FGL1: variants seen among roughly 807,000 people sequenced by gnomAD.
The protein encoded by FGL1 is fibrinogen-like protein 1.
A neutral mutation model predicts 43.7 loss-of-function variants in FGL1; 59 were observed. That is an observed-to-expected ratio of 1.35 (90% CI 1.10 to 1.68). FGL1 has a LOEUF of 1.68. Among genes scored for constraint, FGL1 ranks in the 40% most tolerant of loss-of-function variants. The probability of loss-of-function intolerance (pLI) is 0.00; values close to 1 mark genes in which losing one functional copy is unlikely to be tolerated. For missense variants in FGL1, 596 were observed against 373.0 expected (o/e 1.60, Z -4.92); for synonymous variants, 192 against 126.5 (o/e 1.52, Z -3.48).
chr8:17,894,997 C>G (rs576962065), intron 1 of FGL1, among the ~76,000 whole-genome samples: 4 of 150,794 alleles, frequency 2.7e-5, no homozygotes, highest in African/African-American at 7.3e-5. Flanking sequence ...TTTGACAGGC[C>G]TCTGTCTCTT....
At chr8:17,882,364 G>T in intron 2 of FGL1, 185 bp from the exon 3 acceptor site, 1 of 512,818 alleles carries the variant, frequency 2.0e-6, no homozygotes, top group Non-Finnish European at 3.3e-6. Context: ...TGGAAATTAT[G>T]GCTTATGCGA....
At chr8:17,880,226 T>C (rs1195123260) in intron 3 of FGL1, among the ~76,000 whole-genome samples, 2 of 152,066 alleles carry the variant, frequency 1.3e-5, no homozygotes, top group Non-Finnish European at 2.9e-5. Flanking sequence ...ATCAAGATGC[T>C]GGCCATAAGA....
chr8:17,872,631 C>G (rs1403419131), intron 5 of FGL1, among the ~76,000 whole-genome samples: 2 of 152,070 alleles, frequency 1.3e-5, no homozygotes, highest in African/African-American at 4.8e-5. Flanking sequence ...TGCAGTGTAA[C>G]TTAGCATGCT....
intron 3 of FGL1, among the ~76,000 whole-genome samples, chr8:17,879,191 A>T (rs1213127085): frequency 2.0e-5 from 3 of 151,894 alleles, no homozygotes; most frequent in Admixed American, 6.6e-5. Context: ...TATTATATTT[A>T]TAATAATTAT....
chr8:17,890,443 A>T (rs2053688030), intron 1 of FGL1, among the ~76,000 whole-genome samples: 1 of 152,112 alleles, frequency 6.6e-6, no homozygotes, highest in Non-Finnish European at 1.5e-5. Flanking sequence ...ACCCTGAAAT[A>T]CACAGACTTC....
intron 1 of FGL1, among the ~76,000 whole-genome samples, chr8:17,892,545 A>C (rs780334682): frequency 6.6e-6 from 1 of 152,190 alleles, no homozygotes; most frequent in Non-Finnish European, 1.5e-5. Context: ...GGAAATCAGC[A>C]TAACGACATG....
In FGL1 at chr8:17,895,512, C is replaced by T. The variant is rs1244136557; in HGVS notation, c.-83G>A. 1 of 1,287,532 alleles carries T rather than the reference C, an allele frequency of 7.8e-7. No individual in the cohort carries two copies. Among genetic ancestry groups the T allele is most frequent in the South Asian group, 1.2e-5 (1 of 80,798 alleles). 79.8% of individuals were successfully genotyped at this position (1,287,532 alleles called of 1,614,324 possible). ...TCCAGACACTCTGCTTCCCAGGATC[C>T]TGTAACTGCATTGGGAATTTGTAAT... On this transcript the variant is annotated 5_prime_UTR_variant, in exon 1 of 8. Transcript: ENST00000427924.
intron 7 of FGL1, among the ~76,000 whole-genome samples, chr8:17,866,528 C>G (rs2053272036): frequency 6.6e-6 from 1 of 152,178 alleles, no homozygotes; most frequent in Admixed American, 6.5e-5. Context: ...TACTTTCTCT[C>G]CCTTAATGCC....
intron 1 of FGL1, among the ~76,000 whole-genome samples, chr8:17,889,889 A>T (rs1263655444): frequency 2.6e-5 from 4 of 152,336 alleles, no homozygotes; most frequent in South Asian, 4.1e-4. Flanking sequence ...ATAACCATTT[A>T]TACTACAATG....
chr8:17,880,800 A>T (rs2053523318), intron 3 of FGL1, among the ~76,000 whole-genome samples: 1 of 152,184 alleles, frequency 6.6e-6, no homozygotes, highest in Non-Finnish European at 1.5e-5. Flanking sequence ...CTTCTGGAGG[A>T]ATTCAAGTGA....
rs201300557 is a variant in FGL1, at chr8:17,882,814, A to AAT, written c.64-637_64-636dup. Among the ~76,000 whole-genome samples the AAT allele has an allele frequency of 6.0e-3, 512 of 84,890 alleles. 32 individuals are homozygous for AAT. The highest frequency in any genetic ancestry group is 0.023 in the African/African-American group (338 of 14,558). The allele number at this position is 84,890 out of a possible 152,430, so 55.7% of individuals were successfully genotyped here. A position where few individuals can be genotyped will look rare whatever the true frequency, so the allele number is the denominator to read the frequency against. On this transcript the variant is annotated intron_variant, in intron 2 of 7. Coordinates refer to ENST00000427924, the MANE Select transcript of FGL1 (RefSeq NM_004467.4). ...GTATATAATATATTAAACAATATATAATATATCATATATAATATATTAAAT... is the reference window on the plus strand; with the variant it reads ...GTATATAATATATTAAACAATATATAATATATATCATATATAATATATTAAAT...
At chr8:17,891,047 T>C (rs545582885) in intron 1 of FGL1, among the ~76,000 whole-genome samples, 23 of 152,300 alleles carry the variant, frequency 1.5e-4, no homozygotes, top group African/African-American at 5.3e-4. Flanking sequence ...TCACCAAATA[T>C]AATGAAATAT....
intron 5 of FGL1, among the ~76,000 whole-genome samples, chr8:17,872,500 A>C (rs1447620742): frequency 1.3e-5 from 2 of 151,984 alleles, no homozygotes; most frequent in African/African-American, 2.4e-5. Context: ...ATGGGGTTTC[A>C]CCATGTTGGC....
At chr8:17,878,431 G>C (rs1360014140) in intron 3 of FGL1, among the ~76,000 whole-genome samples, 2 of 152,118 alleles carry the variant, frequency 1.3e-5, no homozygotes, top group African/African-American at 2.4e-5. Context: ...AACACCTTAG[G>C]CCACTTTGTA....
chr8:17,882,339 T>C (rs117681161), intron 2 of FGL1, 160 bp from the exon 3 acceptor site: 13,629 of 566,182 alleles, frequency 0.024, 276 homozygotes, highest in Middle Eastern at 0.045. Flanking sequence ...TAATACTGCC[T>C]ACTATTTGAA....
intron 2 of FGL1, chr8:17,882,474 C>T (rs535056797): frequency 3.7e-5 from 8 of 214,884 alleles, no homozygotes; most frequent in South Asian, 3.5e-4. Flanking sequence ...CAATTCCATG[C>T]GGTAGGAAAG....
intron 2 of FGL1, 75 bp from the exon 3 acceptor site, chr8:17,882,254 A>G: frequency 1.5e-6 from 2 of 1,343,292 alleles, no homozygotes; most frequent in Non-Finnish European, 1.0e-6. Flanking sequence ...ACATTTGGAT[A>G]AATCAGTGAT....
chr8:17,886,265 G>C (rs533784332), intron 1 of FGL1, among the ~76,000 whole-genome samples: 1 of 152,288 alleles, frequency 6.6e-6, no homozygotes, highest in South Asian at 2.1e-4. Flanking sequence ...AATGGGCTAA[G>C]TATAGTTTTG....
In FGL1 at chr8:17,882,048, T is replaced by A; in HGVS notation, c.195A>T (p.Lys65Asn). Residue 65 changes from lysine to asparagine, a missense_variant, in exon 3 of 8, where the codon AAA becomes AAT. By Grantham distance (94) the Lys-to-Asn change is moderately conservative. Transcript: ENST00000427924. ...GATCAATGACAGTATTCTCATCTCC[T>A]TTATCAAGGAACTGGACTTCATTCT... Reference protein sequence around the residue: ...LQENEVQFLDKGDENTVIDLG... With the variant: ...LQENEVQFLDNGDENTVIDLG... 1 of 1,614,002 alleles carries A rather than the reference T, an allele frequency of 6.2e-7. No individual in the cohort carries two copies. The highest frequency in any genetic ancestry group is 8.5e-7 in the Non-Finnish European group (1 of 1,179,958).
Sources: allele counts gnomAD v4.1 joint callset (sites outside exome capture counted in the v4.1 genomes callset), GRCh38; gene constraint gnomAD v4.1.1; transcripts MANE v1.5; gene names NCBI Gene and HGNC (gene_info 2026-07-23, HGNC 2026-07-21).